SPG7: variants seen among roughly 807,000 people sequenced by gnomAD.
SPG7 encodes the protein SPG7 matrix AAA peptidase subunit, paraplegin, also known as mitochondrial inner membrane m-AAA protease component paraplegin.
Under a neutral mutation model 81.9 loss-of-function variants are expected in SPG7, and 103 were observed. The ratio of observed to expected loss-of-function variants is 1.26; its 90% CI spans 1.07 to 1.48. SPG7 has a LOEUF of 1.48. Among genes scored for constraint, SPG7 ranks in the 40% most tolerant of loss-of-function variants. The pLI, the probability that SPG7 is intolerant of heterozygous loss-of-function variation, is 0.00. For synonymous variants in SPG7, 534 were observed against 444.2 expected (o/e 1.20, Z -2.54); for missense variants, 1,241 against 1,087.3 (o/e 1.14, Z -1.99).
At chr16:89,530,831 G>C (rs755815538) in intron 7 of SPG7, 23 bp downstream of exon 7, 8 of 1,613,496 alleles carry the variant, frequency 5.0e-6, no homozygotes, top group African/African-American at 4.0e-5. Flanking sequence ...TGGGCCGGGA[G>C]GGAGGTGTGA....
rs141065708 is a variant in SPG7, at chr16:89,524,145, C to T, written c.516C>T (p.His172=). 5.0e-5 allele frequency: 80 copies of T among 1,613,978 alleles called. No homozygotes were observed. Among genetic ancestry groups the T allele is most frequent in the Middle Eastern group, 3.3e-4 (2 of 6,078 alleles). The change falls in exon 4 of 17, where the codon CAC becomes CAT. Residue 172 remains histidine, a synonymous_variant. Transcript: ENST00000645818. ...GCATTTCCTGGAACGACTTTGTCCACGAGATGCTGGCCAAGGGCGAGGTGC... is the reference window on the plus strand; with the variant it reads ...GCATTTCCTGGAACGACTTTGTCCATGAGATGCTGGCCAAGGGCGAGGTGC... ...GGSISWNDFV[H]EMLAKGEVQR... is the part of the protein sequence containing the mutation.
At chr16:89,554,796 C>G (rs1334906800) in intron 16 of SPG7, 1 of 536,884 alleles carries the variant, frequency 1.9e-6, no homozygotes. Context: ...TCTCCTGTGC[C>G]TCTTCCTGCC....
chr16:89,508,956 T>G, intron 1 of SPG7: 2 of 497,946 alleles, frequency 4.0e-6, no homozygotes, highest in Non-Finnish European at 3.9e-6. Flanking sequence ...TGTGGATCGA[T>G]TCCGTCACCA....
intron 9 of SPG7, 149 bp from the exon 10 acceptor site, chr16:89,544,499 C>A: frequency 2.3e-6 from 2 of 879,116 alleles, no homozygotes; most frequent in South Asian, 2.8e-5. Context: ...GGGATCGCGG[C>A]TCCTAGTTCA....
chr16:89,550,100 G>T, intron 12 of SPG7: 1 of 336,412 alleles, frequency 3.0e-6, no homozygotes, highest in Admixed American at 4.0e-5. Context: ...AGAGAGGCTT[G>T]CTTTGACCAC....
At chr16:89,522,361 C>A (rs1597618136) in intron 3 of SPG7, 1 of 152,240 alleles carries the variant, frequency 6.6e-6, no homozygotes, top group Non-Finnish European at 1.5e-5. Context: ...CAGCATGAAG[C>A]CCCCGCAAGA....
At chr16:89,544,982 G>T in intron 10 of SPG7, 1 of 629,684 alleles carries the variant, frequency 1.6e-6, no homozygotes, top group South Asian at 1.7e-5. Context: ...CCCCACATTG[G>T]CTGCACGCCC....
intron 16 of SPG7, chr16:89,554,822 T>C: frequency 2.2e-6 from 1 of 464,126 alleles, no homozygotes; most frequent in Non-Finnish European, 3.9e-6. Flanking sequence ...CAATTACCAA[T>C]GTTTTGTCAG....
At chr16:89,553,433 C>T in intron 14 of SPG7, 1 of 526,368 alleles carries the variant, frequency 1.9e-6, no homozygotes, top group Non-Finnish European at 3.4e-6. Context: ...TGTTCTGAAG[C>T]CATTACTGCA....
intron 7 of SPG7, chr16:89,531,247 G>C: frequency 3.1e-6 from 1 of 327,074 alleles, no homozygotes; most frequent in South Asian, 2.7e-5. Flanking sequence ...CTGCAGGCCT[G>C]GTACAGTGGG....
chr16:89,552,599 A>G, intron 13 of SPG7: 1 of 327,600 alleles, frequency 3.1e-6, no homozygotes, highest in South Asian at 2.5e-5. Context: ...CTGCCTCAGC[A>G]TCGTGGGGTT....
At chr16:89,523,037 C>T (rs150751554) in intron 3 of SPG7, 231 of 155,022 alleles carry the variant, frequency 1.5e-3, no homozygotes, top group South Asian at 3.2e-3. Flanking sequence ...TGTCCACCTC[C>T]CCTCGAGGTA....
intron 11 of SPG7, chr16:89,547,049 A>G (rs919908619): frequency 4.9e-6 from 2 of 406,918 alleles, no homozygotes; most frequent in Non-Finnish European, 9.4e-6. Flanking sequence ...GTGACCAGTC[A>G]TGCCGGCGTT....
chr16:89,545,397 A>G (rs1184810262), intron 10 of SPG7: 3 of 197,990 alleles, frequency 1.5e-5, no homozygotes, highest in Non-Finnish European at 3.1e-5. Flanking sequence ...TGGTGGGTTA[A>G]TGTTCCATCA....
chr16:89,533,400 C>G (rs2058372832), intron 9 of SPG7: 1 of 152,192 alleles, frequency 6.6e-6, no homozygotes, highest in Admixed American at 6.5e-5. Flanking sequence ...ATCTCCTGAC[C>G]TCGTGATCCG....
chr16:89,544,827 C>G lies in SPG7; in HGVS notation c.1449+55C>G, dbSNP rs114361295. 1,426 of 1,601,638 alleles carry G rather than the reference C, an allele frequency of 8.9e-4. 7 individuals carry two copies. The African/African-American group carries it at 0.017, about 19-fold the overall frequency. On this transcript the variant is annotated intron_variant, in intron 10 of 16. Transcript: ENST00000645818. The stretch of plus-strand genomic sequence containing the variant: ...TCCACCTGGGCCGCCCCCACTCGCT[C>G]TGAGTGGTCTGGCCTCTCCTCTAAG...
At position 89,532,051 on chromosome 16, in the gene SPG7, G is replaced by T. The variant is rs766085257; in HGVS notation, c.1135G>T (p.Val379Leu). 2 of 1,612,752 alleles carry T rather than the reference G, an allele frequency of 1.2e-6. No homozygotes were observed. The highest frequency in any genetic ancestry group is 2.2e-5 in the East Asian group (1 of 44,886). The change falls in exon 8 of 17, where the codon GTG becomes TTG. Residue 379 changes from valine to leucine, a missense_variant. Coordinates refer to ENST00000645818, the MANE Select transcript of SPG7 (RefSeq NM_003119.4). ...PFLAMAGPEF[V>L]EVIGGLGAAR... ...CCTGGCGATGGCCGGCCCAGAGTTC[G>T]TGGAGGTCATTGGAGGTAGGTGCTG...
chr16:89,532,323 G>T (rs2058355213), intron 8 of SPG7, 140 bp from the exon 9 acceptor site: 21 of 1,133,204 alleles, frequency 1.9e-5, no homozygotes, highest in Non-Finnish European at 2.7e-5. Context: ...CCCGCGAGCA[G>T]CTGCCGTGTG....
chr16:89,551,480 C>G (rs1259225960), intron 13 of SPG7: 1 of 153,040 alleles, frequency 6.5e-6, no homozygotes, highest in African/African-American at 2.4e-5. Context: ...CAGATCCGTG[C>G]TGCTCCTTGG....
Sources: gnomAD v4.1 joint callset for allele counts on GRCh38, gnomAD v4.1.1 for gene constraint, MANE v1.5 for transcripts, NCBI Gene and HGNC (gene_info 2026-07-23, HGNC 2026-07-21) for gene names.